ST3GAL1: variants seen among roughly 807,000 people sequenced by gnomAD.
ST3GAL1 encodes the protein CMP-N-acetylneuraminate-beta-galactosamide-alpha-2,3-sialyltransferase 1.
ST3GAL1 carries 16 observed loss-of-function variants against 34.1 expected under a neutral mutation model. The ratio of observed to expected loss-of-function variants is 0.47; its 90% CI spans 0.32 to 0.71. The LOEUF is 0.71. Among genes scored for constraint, ST3GAL1 ranks in the 30% least tolerant of loss-of-function variants. ST3GAL1 has a pLI of 0.04. For missense variants in ST3GAL1, 353 were observed against 447.4 expected (o/e 0.79, Z 1.90); for synonymous variants, 191 against 184.7 (o/e 1.03, Z -0.28).
intron 3 of ST3GAL1, among the ~76,000 whole-genome samples, chr8:133,490,010 G>T (rs1376705722): frequency 6.6e-6 from 1 of 152,138 alleles, no homozygotes; most frequent in Non-Finnish European, 1.5e-5. Flanking sequence ...ATCTGTGCAT[G>T]CCTGACCCAT....
intron 2 of ST3GAL1, among the ~76,000 whole-genome samples, chr8:133,501,815 A>G (rs1267975319): frequency 6.6e-6 from 1 of 152,142 alleles, no homozygotes; most frequent in Non-Finnish European, 1.5e-5. Flanking sequence ...AGCACTACCC[A>G]ATACGTAGGA....
chr8:133,565,816 C>T (rs184588666), intron 1 of ST3GAL1, among the ~76,000 whole-genome samples: 193 of 152,348 alleles, frequency 1.3e-3, no homozygotes, highest in African/African-American at 4.4e-3. Context: ...CCAAGGTCCC[C>T]GGCCCGGAGC....
chr8:133,468,327 G>GA (rs1486454346), intron 5 of ST3GAL1, among the ~76,000 whole-genome samples: 1 of 152,162 alleles, frequency 6.6e-6, no homozygotes, highest in African/African-American at 2.4e-5. Context: ...GATGGACCTT[G>GA]AAAATACTAA....
At chr8:133,500,191 G>T (rs770409863) in intron 2 of ST3GAL1, among the ~76,000 whole-genome samples, 4 of 152,106 alleles carry the variant, frequency 2.6e-5, no homozygotes, top group African/African-American at 4.8e-5. Context: ...TTTCCACCAG[G>T]GACAGGGATA....
At chr8:133,521,578 T>A (rs535903576) in intron 2 of ST3GAL1, among the ~76,000 whole-genome samples, 61 of 152,336 alleles carry the variant, frequency 4.0e-4, no homozygotes, top group South Asian at 1.7e-3. Context: ...ATTACAGGCG[T>A]GAAACACCGC....
intron 1 of ST3GAL1, chr8:133,567,440 C>T (rs1819434847): frequency 6.6e-6 from 1 of 152,196 alleles, no homozygotes; most frequent in Admixed American, 6.5e-5. Flanking sequence ...CAGTGACTTC[C>T]CCTCTGAGCC....
intron 2 of ST3GAL1, among the ~76,000 whole-genome samples, chr8:133,513,929 G>A (rs1433804538): frequency 1.3e-5 from 2 of 151,242 alleles, no homozygotes; most frequent in Admixed American, 1.3e-4. Flanking sequence ...AAAAAATTTT[G>A]ATCCCTGTGC....
intron 1 of ST3GAL1, among the ~76,000 whole-genome samples, chr8:133,558,378 T>G (rs756838443): frequency 2.6e-5 from 4 of 152,146 alleles, no homozygotes; most frequent in Non-Finnish European, 4.4e-5. Context: ...GAAAGGGAAG[T>G]ACAGAGAGGT....
At chr8:133,482,690 G>A (rs1816441684) in intron 3 of ST3GAL1, among the ~76,000 whole-genome samples, 1 of 152,222 alleles carries the variant, frequency 6.6e-6, no homozygotes, top group South Asian at 2.1e-4. Context: ...TGGCCTTTGG[G>A]ATCCTGGCCG....
At chr8:133,528,143 C>G (rs566314731) in intron 2 of ST3GAL1, among the ~76,000 whole-genome samples, 2 of 152,150 alleles carry the variant, frequency 1.3e-5, no homozygotes, top group East Asian at 3.9e-4. Flanking sequence ...CCACTGCACT[C>G]CAGCCTGGTG....
chr8:133,507,235 C>T (rs144508435), intron 2 of ST3GAL1, among the ~76,000 whole-genome samples: 1 of 152,336 alleles, frequency 6.6e-6, no homozygotes, highest in Non-Finnish European at 1.5e-5. Flanking sequence ...CTCAACTCCA[C>T]CACTCATCAG....
intron 2 of ST3GAL1, among the ~76,000 whole-genome samples, chr8:133,535,823 C>T (rs778412395): frequency 2.2e-4 from 34 of 152,212 alleles, no homozygotes; most frequent in African/African-American, 6.7e-4. Flanking sequence ...AAGATATGTA[C>T]ATTGTTGTTT....
At chr8:133,539,245 A>G (rs982358767) in intron 2 of ST3GAL1, among the ~76,000 whole-genome samples, 6 of 152,208 alleles carry the variant, frequency 3.9e-5, no homozygotes, top group African/African-American at 1.4e-4. Context: ...GCCCAAGCAC[A>G]AGGACTCAGA....
chr8:133,499,543 T>A (rs888122420), intron 2 of ST3GAL1: 1 of 152,132 alleles, frequency 6.6e-6, no homozygotes. Flanking sequence ...GGGGGAAGAA[T>A]GAGGCAAAGA....
intron 2 of ST3GAL1, among the ~76,000 whole-genome samples, chr8:133,541,550 G>A (rs1374579361): frequency 1.3e-5 from 2 of 152,146 alleles, no homozygotes; most frequent in Non-Finnish European, 2.9e-5. Flanking sequence ...CTCCATCTGA[G>A]AGATGCAGAC....
At chr8:133,525,747 C>T (rs552717008) in intron 2 of ST3GAL1, among the ~76,000 whole-genome samples, 1 of 152,314 alleles carries the variant, frequency 6.6e-6, no homozygotes, top group African/African-American at 2.4e-5. Context: ...ACCCAGAGTA[C>T]ATACACACCC....
intron 3 of ST3GAL1, among the ~76,000 whole-genome samples, chr8:133,480,061 C>T (rs371713588): frequency 2.0e-5 from 3 of 152,148 alleles, no homozygotes; most frequent in African/African-American, 4.8e-5. Context: ...TGAGGGAGGC[C>T]GGGCCCCCCA....
intron 1 of ST3GAL1, among the ~76,000 whole-genome samples, chr8:133,549,403 CAAA>C (rs5895198): frequency 7.4e-6 from 1 of 134,512 alleles, no homozygotes; most frequent in Admixed American, 7.5e-5. Flanking sequence ...ACTCTGTCTC[CAAA>C]AAAAAAAAAA....
chr8:133,486,633 TC>T (rs1404638041), intron 3 of ST3GAL1, among the ~76,000 whole-genome samples: 1 of 152,138 alleles, frequency 6.6e-6, no homozygotes, highest in Non-Finnish European at 1.5e-5. Flanking sequence ...GATGACAAGC[TC>T]CCTGTCAATG....
Sources: allele counts gnomAD v4.1 joint callset (sites outside exome capture counted in the v4.1 genomes callset), GRCh38; gene constraint gnomAD v4.1.1; transcripts MANE v1.5; gene names NCBI Gene and HGNC (gene_info 2026-07-23, HGNC 2026-07-21).